The following DUS4L variants were observed in gnomAD, a reference collection of about 807,000 sequenced individuals.
The protein encoded by DUS4L is tRNA-dihydrouridine(20a/20b) synthase [NAD(P)+]-like.
DUS4L carries 31 observed loss-of-function variants against 33.8 expected under a neutral mutation model. The observed-to-expected ratio is 0.92, with a 90% confidence interval of 0.69 to 1.24. DUS4L has a LOEUF of 1.24. DUS4L is among the 50% of genes most tolerant of loss of function. The pLI, the probability that DUS4L is intolerant of heterozygous loss-of-function variation, is 0.00. For missense variants in DUS4L, 368 were observed against 388.6 expected, an observed-to-expected ratio of 0.95 and a Z score of 0.45; for synonymous variants, 103 against 120.3, an observed-to-expected ratio of 0.86 and a Z score of 0.94.
At position 107,571,167 on chromosome 7, in the gene DUS4L, A is replaced by G; in HGVS notation, c.139A>G (p.Arg47Gly). The G allele has an allele frequency of 6.2e-7, 1 of 1,613,534 alleles. No individual in the cohort carries two copies. Among genetic ancestry groups the G allele is most frequent in the Non-Finnish European group, 8.5e-7 (1 of 1,179,846 alleles). The change falls in exon 4 of 8, where the codon AGA becomes GGA. Residue 47 changes from arginine (R) to glycine (G), a missense_variant. By Grantham distance (125) the Arg-to-Gly change is moderately radical. Coordinates refer to ENST00000265720, the MANE Select transcript of DUS4L (RefSeq NM_181581.3). ...YSKLAFRTLV[R>G]KYSCDLCYTP... is the part of the protein sequence containing the mutation. ...CAGGTTGGCTTTTAGGACACTAGTA[A>G]GAAAATATAGTTGTGATCTGTGTTA...
intron 4 of DUS4L, 87 bp downstream of exon 4, chr7:107,571,353 G>A: frequency 3.3e-6 from 5 of 1,496,894 alleles, no homozygotes; most frequent in Non-Finnish European, 3.6e-6. Flanking sequence ...ACACAATTTA[G>A]AGATTTTATG....
At chr7:107,575,537 T>A in intron 6 of DUS4L, 1 of 335,518 alleles carries the variant, frequency 3.0e-6, no homozygotes, top group Non-Finnish European at 5.2e-6. Context: ...AAAGCCTCCC[T>A]TTAAGTTTCA....
intron 4 of DUS4L, 34 bp downstream of exon 4, chr7:107,571,300 CT>C (rs766089496): frequency 6.3e-7 from 1 of 1,580,788 alleles, no homozygotes; most frequent in African/African-American, 1.4e-5. Flanking sequence ...CTTTGTAAAA[CT>C]TTTTAAATTT....
At chr7:107,573,446 G>C (rs896811313) in intron 4 of DUS4L, among the ~76,000 whole-genome samples, 1 of 152,178 alleles carries the variant, frequency 6.6e-6, no homozygotes, top group Non-Finnish European at 1.5e-5. Flanking sequence ...TCTCACCTTT[G>C]AGAAGAGGGT....
intron 3 of DUS4L, 82 bp downstream of exon 3, chr7:107,567,268 C>A: frequency 1.7e-6 from 2 of 1,152,198 alleles, no homozygotes; most frequent in Non-Finnish European, 2.5e-6. Context: ...GTAAGACCAC[C>A]CACCATATGG....
chr7:107,570,546 G>A (rs983480417), intron 3 of DUS4L: 1 of 152,912 alleles, frequency 6.5e-6, no homozygotes, highest in African/African-American at 2.4e-5. Context: ...TGGGCTGGGA[G>A]TGACCTCAGT....
chr7:107,565,891 G>A (rs931353080), intron 2 of DUS4L, among the ~76,000 whole-genome samples: 7 of 152,160 alleles, frequency 4.6e-5, no homozygotes, highest in Non-Finnish European at 1.5e-5. Flanking sequence ...TATGACTGCA[G>A]GAGTGGATAA....
At position 107,573,711 on chromosome 7, in the gene DUS4L, C is replaced by A; in HGVS notation, c.246C>A (p.Cys82Ter). ...AGCTATTCATTTTGTCAGGTGATTG[C>A]CCATTGATTGTTCAGTTTGCTGCTA... ...DSEFTTNQGD[C>*]PLIVQFAAND... The change falls in exon 5 of 8, where the codon TGC becomes TGA. Residue 82 changes from cysteine (C) to a stop codon, truncating the protein, a stop_gained. Coordinates refer to ENST00000265720, the MANE Select transcript of DUS4L (RefSeq NM_181581.3). LOFTEE classifies it high-confidence loss of function. The A allele has an allele frequency of 6.2e-7, 1 of 1,607,556 alleles. No individual in the cohort carries two copies. Among genetic ancestry groups the A allele is most frequent in the South Asian group, 1.1e-5 (1 of 89,652 alleles).
In DUS4L at chr7:107,563,981, C is replaced by CTG; in HGVS notation, c.-339_-338insTG. 1 of 1,573,350 alleles carries CTG rather than the reference C, an allele frequency of 6.4e-7. No individual in the cohort carries two copies. Among genetic ancestry groups the CTG allele is most frequent in the Non-Finnish European group, 8.6e-7 (1 of 1,162,038 alleles). ...CAGAATCCCGGCGCCGCCCGCCCACCCAGCCCATGGCTCCAGGCCCACCTG... is the reference window on the plus strand; with the variant it reads ...CAGAATCCCGGCGCCGCCCGCCCACCTGCAGCCCATGGCTCCAGGCCCACCTG... On this transcript the variant is annotated 5_prime_UTR_variant, in exon 1 of 8. Coordinates refer to ENST00000265720, the MANE Select transcript of DUS4L (RefSeq NM_181581.3).
At chr7:107,565,544 G>A (rs182618895) in intron 2 of DUS4L, among the ~76,000 whole-genome samples, 91 of 152,276 alleles carry the variant, frequency 6.0e-4, no homozygotes, top group Non-Finnish European at 9.4e-4. Context: ...GTTTTGTTGA[G>A]TTGGGGTCTA....
At chr7:107,565,384 G>T (rs1804550580) in intron 2 of DUS4L, among the ~76,000 whole-genome samples, 1 of 152,178 alleles carries the variant, frequency 6.6e-6, no homozygotes, top group Admixed American at 6.5e-5. Context: ...GAAATCACCT[G>T]AAGAGCTTTA....
chr7:107,573,522 C>T (rs1411673475), intron 4 of DUS4L, among the ~76,000 whole-genome samples, 182 bp from the exon 5 acceptor site: 10 of 151,880 alleles, frequency 6.6e-5, no homozygotes, highest in African/African-American at 9.7e-5. Flanking sequence ...AATTTTTTAC[C>T]GTGTAAATTG....
Position 107,571,155 on chromosome 7 carries a change from A to G in DUS4L, c.127A>G (p.Arg43Gly). The stretch of plus-strand genomic sequence containing the variant: ...TTTATATGCTCACAGGTTGGCTTTT[A>G]GGACACTAGTAAGAAAATATAGTTG... The part of the protein sequence containing the change: ...PMVRYSKLAF[R>G]TLVRKYSCDL... Residue 43 changes from arginine to glycine, a missense_variant, in exon 4 of 8, where the codon AGG becomes GGG. By Grantham distance (125) the Arg-to-Gly change is moderately radical. Coordinates refer to ENST00000265720, the MANE Select transcript of DUS4L (RefSeq NM_181581.3). 6.2e-7 allele frequency: 1 copy of G among 1,613,614 alleles called. No individual in the cohort carries two copies.
chr7:107,576,656 G>A, intron 7 of DUS4L, 64 bp downstream of exon 7: 1 of 1,394,308 alleles, frequency 7.2e-7, no homozygotes, highest in Non-Finnish European at 9.8e-7. Context: ...GGGAAGTAAT[G>A]TTAATTTGAT....
At chr7:107,572,181 C>T (rs1007132146) in intron 4 of DUS4L, among the ~76,000 whole-genome samples, 1 of 152,092 alleles carries the variant, frequency 6.6e-6, no homozygotes, top group Non-Finnish European at 1.5e-5. Flanking sequence ...TTAGAAATAG[C>T]TTGATTTGTA....
chr7:107,567,181 T>G lies in DUS4L; in HGVS notation c.111T>G (p.Tyr37Ter), dbSNP rs773584666. Reference protein sequence around the residue: ...LVKVCAPMVRYSKLAFRTLVR... With the variant: ...LVKVCAPMVR ...AAGTCTGTGCCCCAATGGTTCGATA[T>G]TCAAAGTAAGTGTTGCAAAATGATT... Residue 37 changes from tyrosine to a stop codon, truncating the protein, a stop_gained, in exon 3 of 8, where the codon TAT (tyrosine) becomes TAG (stop). Coordinates refer to ENST00000265720, the MANE Select transcript of DUS4L (RefSeq NM_181581.3). LOFTEE classifies it high-confidence loss of function. 7 of 1,611,754 alleles carry G rather than the reference T, an allele frequency of 4.3e-6. No individual in the cohort carries two copies. The highest frequency in any genetic ancestry group is 1.7e-5 in the Admixed American group (1 of 59,604).
At chr7:107,573,859 GT>G (rs1308838662) in intron 5 of DUS4L, 38 bp downstream of exon 5, 1 of 1,452,678 alleles carries the variant, frequency 6.9e-7, no homozygotes, top group Non-Finnish European at 9.1e-7. Context: ...TTCCAAAAGA[GT>G]AGAAAAAAAA....
intron 2 of DUS4L, among the ~76,000 whole-genome samples, 152 bp from the exon 3 acceptor site, chr7:107,566,898 T>G (rs1341769260): frequency 3.3e-5 from 5 of 152,146 alleles, no homozygotes; most frequent in South Asian, 2.1e-4. Flanking sequence ...TATAGTATCA[T>G]ATTGGATACT....
intron 2 of DUS4L, among the ~76,000 whole-genome samples, chr7:107,565,025 A>T (rs1804488649): frequency 6.6e-6 from 1 of 152,182 alleles, no homozygotes; most frequent in Non-Finnish European, 1.5e-5. Flanking sequence ...GCTACACTGC[A>T]TTATGCTCTC....
Sources: gnomAD v4.1 joint callset for allele counts (sites outside exome capture counted in the v4.1 genomes callset) on GRCh38, gnomAD v4.1.1 for gene constraint, MANE v1.5 for transcripts, NCBI Gene and HGNC (gene_info 2026-07-23, HGNC 2026-07-21) for gene names.